Variants in RIPOR2 observed in about 807,000 individuals in gnomAD.
The protein encoded by RIPOR2 is RHO family interacting cell polarization regulator 2.
A neutral mutation model predicts 114.5 loss-of-function variants in RIPOR2; 39 were observed. That is an observed-to-expected ratio of 0.34 (90% CI 0.26 to 0.44). The LOEUF (loss-of-function observed/expected upper bound fraction) is 0.44, where lower values mean the gene tolerates loss of function less well. Ranked by LOEUF, RIPOR2 falls within the 20% of genes least tolerant of loss-of-function variation. RIPOR2 has a pLI of 1.00. For missense variants in RIPOR2, 1,007 were observed against 1,255.1 expected, an observed-to-expected ratio of 0.80 and a Z score of 2.99; for synonymous variants, 445 against 484.4, an observed-to-expected ratio of 0.92 and a Z score of 1.07.
chr6:24,929,902 T>C (rs1431123588), intron 1 of RIPOR2, among the ~76,000 whole-genome samples: 1 of 151,902 alleles, frequency 6.6e-6, no homozygotes, highest in Non-Finnish European at 1.5e-5. Context: ...AGTGAGAGGC[T>C]GGCTTTACAA....
In RIPOR2 at chr6:24,976,018, A is replaced by G. The variant is rs1357315112; in HGVS notation, c.76+65833T>C. Among the ~76,000 whole-genome samples the G allele has an allele frequency of 2.0e-5, 3 of 152,190 alleles. No homozygotes were observed. In the East Asian group the frequency reaches 5.8e-4, roughly 29 times the overall value. ...TTTTGCCAGAGTTAAAAATTTTTGA[A>G]AAGAGAAAAGTGTCAAATTTATTAA... On this transcript the variant is annotated intron_variant, in intron 1 of 13. Coordinates refer to the RIPOR2 transcript ENST00000510784.
chr6:24,869,172 A>C (rs768188691), intron 5 of RIPOR2, 25 bp from the exon 6 acceptor site: 92 of 1,331,014 alleles, frequency 6.9e-5, no homozygotes, highest in Non-Finnish European at 9.2e-5. Context: ...AGTTTGAAAA[A>C]GTACAGTCAT....
chr6:25,023,098 G>A (rs535281440), intron 1 of RIPOR2: 1 of 444,254 alleles, frequency 2.3e-6, no homozygotes, highest in African/African-American at 2.0e-5. Context: ...CAGGCTTCAG[G>A]GGACCAGGGA....
At chr6:24,927,323 CCAT>C (rs1199815077) in intron 1 of RIPOR2, among the ~76,000 whole-genome samples, 2 of 137,618 alleles carry the variant, frequency 1.5e-5, no homozygotes, top group Non-Finnish European at 1.6e-5. Context: ...ATCACTACCA[CCAT>C]CACCACCACC....
chr6:24,892,995 G>A (rs1193071974), intron 1 of RIPOR2, among the ~76,000 whole-genome samples: 1 of 152,142 alleles, frequency 6.6e-6, no homozygotes. Flanking sequence ...TCTTGCCACT[G>A]ACTCCAGCGT....
chr6:24,867,951 A>G (rs2113861719), intron 6 of RIPOR2, among the ~76,000 whole-genome samples: 1 of 152,358 alleles, frequency 6.6e-6, no homozygotes, highest in South Asian at 2.1e-4. Context: ...TGCAAGATTG[A>G]TAAATATACC....
Position 24,849,784 on chromosome 6 carries a change from A to T in RIPOR2, c.1034+18T>A. On this transcript the variant is annotated intron_variant, in intron 11 of 21. Coordinates refer to ENST00000643898, the MANE Select transcript of RIPOR2 (RefSeq NM_001286445.3). ...ATCAGATATTTCTATATGATGAAAT[A>T]AAGGAAGAGGCACTTACTACCAGGT... 1 of 1,609,182 alleles carries T rather than the reference A, an allele frequency of 6.2e-7. No homozygotes were observed. The highest frequency in any genetic ancestry group is 8.5e-7 in the Non-Finnish European group (1 of 1,175,826).
intron 1 of RIPOR2, among the ~76,000 whole-genome samples, chr6:24,960,310 G>C (rs1194436394): frequency 6.6e-6 from 1 of 152,310 alleles, no homozygotes; most frequent in Middle Eastern, 3.4e-3. Context: ...CTGAGGGCCT[G>C]GTCTCTGCTT....
intron 12 of RIPOR2, among the ~76,000 whole-genome samples, chr6:24,843,936 T>A (rs1327692239): frequency 1.3e-5 from 2 of 152,132 alleles, no homozygotes; most frequent in Non-Finnish European, 2.9e-5. Context: ...ACCAATTTCT[T>A]TTTCTATTTA....
chr6:24,973,558 C>T (rs1407716278), intron 1 of RIPOR2, among the ~76,000 whole-genome samples: 2 of 148,968 alleles, frequency 1.3e-5, no homozygotes, highest in Non-Finnish European at 3.0e-5. Flanking sequence ...GATCACACCA[C>T]TGCACTCTAG....
chr6:24,995,092 A>G (rs1208910826), intron 1 of RIPOR2, among the ~76,000 whole-genome samples: 1 of 152,202 alleles, frequency 6.6e-6, no homozygotes, highest in Admixed American at 6.5e-5. Context: ...CTGAGCTACC[A>G]GCGTGGGGAC....
Sources: gnomAD v4.1 joint callset for allele counts (sites outside exome capture counted in the v4.1 genomes callset) on GRCh38, gnomAD v4.1.1 for gene constraint, MANE v1.5 for transcripts, NCBI Gene and HGNC (gene_info 2026-07-23, HGNC 2026-07-21) for gene names.